Variants in FARS2 observed in about 807,000 individuals in gnomAD.
The protein encoded by FARS2 is phenylalanyl-tRNA synthetase 2, mitochondrial.
In FARS2, 40 loss-of-function variants were observed where a neutral mutation model predicts 46.4. The ratio of observed to expected loss-of-function variants is 0.86; its 90% confidence interval spans 0.67 to 1.12. The LOEUF (loss-of-function observed/expected upper bound fraction) is 1.12, where lower values mean the gene tolerates loss of function less well. FARS2 is among the 50% of genes most tolerant of loss of function. The pLI, the probability that FARS2 is intolerant of heterozygous loss-of-function variation, is 0.00. For synonymous variants in FARS2, 234 were observed against 214.9 expected, an observed-to-expected ratio of 1.09 and a Z score of -0.78; for missense variants, 513 against 567.9, an observed-to-expected ratio of 0.90 and a Z score of 0.98.
chr6:5,331,935 T>A (rs1472138644), intron 1 of FARS2, among the ~76,000 whole-genome samples: 1 of 152,156 alleles, frequency 6.6e-6, no homozygotes, highest in African/African-American at 2.4e-5. Flanking sequence ...GTTTAGTGAA[T>A]TGGCTCCCAT....
chr6:5,454,098 A>G (rs1312257683), intron 4 of FARS2, among the ~76,000 whole-genome samples: 3 of 151,952 alleles, frequency 2.0e-5, no homozygotes, highest in East Asian at 1.9e-4. Flanking sequence ...TTTTAGTACA[A>G]TCTTTAGAAA....
intron 6 of FARS2, among the ~76,000 whole-genome samples, chr6:5,705,879 G>A (rs555886816): frequency 1.5e-4 from 23 of 152,058 alleles, no homozygotes; most frequent in African/African-American, 5.5e-4. Context: ...AGTTGCCTGC[G>A]CTCGCTGCCT....
At chr6:5,515,082 G>A (rs1387487351) in intron 4 of FARS2, among the ~76,000 whole-genome samples, 4 of 152,084 alleles carry the variant, frequency 2.6e-5, no homozygotes, top group African/African-American at 9.7e-5. Context: ...AACTCCATCT[G>A]TGGCTTTTAA....
At position 5,343,816 on chromosome 6, in the gene FARS2, G is replaced by A. The variant is rs1161508137; in HGVS notation, c.-21-24734G>A. On this transcript the variant is annotated intron_variant, in intron 1 of 6. Transcript: ENST00000274680. This position sits in a 1 kb window ranked among gnomAD's most constrained non-coding sequence, Gnocchi z 4.5. ...TCATGCCTCTCTGCCCAAGTCTGTA[G>A]TGTCAGTTTTACCACTTGAGAATTT... is the stretch of plus-strand genomic sequence containing the variant. Among the ~76,000 whole-genome samples the A allele has an allele frequency of 2.0e-5, 3 of 152,130 alleles. No homozygotes were observed. Among genetic ancestry groups the A allele is most frequent in the African/African-American group, 7.2e-5 (3 of 41,412 alleles).
intron 1 of FARS2, among the ~76,000 whole-genome samples, chr6:5,278,089 G>A (rs1766463280): frequency 1.3e-5 from 2 of 152,150 alleles, no homozygotes; most frequent in East Asian, 1.9e-4. Context: ...GACGTTTTCA[G>A]TTATCACAGT....
intron 6 of FARS2, among the ~76,000 whole-genome samples, chr6:5,679,016 GA>G (rs1379520545): frequency 6.6e-6 from 1 of 152,174 alleles, no homozygotes; most frequent in African/African-American, 2.4e-5. Context: ...CCTTGGATCA[GA>G]AGGAATGTCT....
chr6:5,506,756 G>A (rs1336159485), intron 4 of FARS2, among the ~76,000 whole-genome samples: 1 of 152,200 alleles, frequency 6.6e-6, no homozygotes, highest in Non-Finnish European at 1.5e-5. Context: ...CTGCTTCAGT[G>A]GTTGATCACT....
chr6:5,644,360 G>A (rs573954777), intron 6 of FARS2, among the ~76,000 whole-genome samples: 153 of 152,110 alleles, frequency 1.0e-3, no homozygotes, highest in African/African-American at 3.5e-3. Context: ...CTACAGGTGC[G>A]CACCACCACG....
At chr6:5,565,568 A>C (rs561535048) in intron 5 of FARS2, among the ~76,000 whole-genome samples, 1 of 152,238 alleles carries the variant, frequency 6.6e-6, no homozygotes, top group African/African-American at 2.4e-5. Context: ...CATGGTTTAC[A>C]GTAACTTTAC....
chr6:5,399,890 T>TA (rs1416581208), intron 2 of FARS2, among the ~76,000 whole-genome samples: 2 of 152,146 alleles, frequency 1.3e-5, no homozygotes, highest in East Asian at 1.9e-4. Context: ...TGAGACTTTT[T>TA]AAAAAAATAT....
chr6:5,381,198 C>CACCA (rs1581936505), intron 2 of FARS2, among the ~76,000 whole-genome samples: 1 of 151,876 alleles, frequency 6.6e-6, no homozygotes, highest in East Asian at 1.9e-4. Flanking sequence ...GACTAAAAAT[C>CACCA]CTGTTAGCCA....
chr6:5,314,586 G>C (rs527304702), intron 1 of FARS2, among the ~76,000 whole-genome samples: 1 of 152,302 alleles, frequency 6.6e-6, no homozygotes, highest in Admixed American at 6.5e-5. Flanking sequence ...CCAGGCAGAG[G>C]TGATGTCTTG....
At chr6:5,523,428 T>C (rs1215878609) in intron 4 of FARS2, among the ~76,000 whole-genome samples, 1 of 151,888 alleles carries the variant, frequency 6.6e-6, no homozygotes, top group East Asian at 1.9e-4. Flanking sequence ...TTTTTTTTTT[T>C]TTTTCTCATG....
chr6:5,603,604 T>C (rs1774664279), intron 5 of FARS2, among the ~76,000 whole-genome samples: 1 of 152,226 alleles, frequency 6.6e-6, no homozygotes, highest in Non-Finnish European at 1.5e-5. Context: ...GCTGGCACAC[T>C]TTGGCATTCC....
chr6:5,749,168 G>T (rs1032319966), intron 6 of FARS2, among the ~76,000 whole-genome samples: 1 of 152,208 alleles, frequency 6.6e-6, no homozygotes, highest in Non-Finnish European at 1.5e-5. Context: ...CTCCCCCAGG[G>T]AAGGGTCCAG....
intron 6 of FARS2, among the ~76,000 whole-genome samples, chr6:5,750,547 G>A (rs1436631947): frequency 2.0e-5 from 3 of 152,240 alleles, no homozygotes; most frequent in East Asian, 1.9e-4. Context: ...GCTGGTAGGC[G>A]GGAAGAGAAG....
At chr6:5,532,756 T>C (rs2150460774) in intron 4 of FARS2, among the ~76,000 whole-genome samples, 2 of 139,250 alleles carry the variant, frequency 1.4e-5, no homozygotes, top group South Asian at 2.2e-4. Flanking sequence ...GTTTCAAAAG[T>C]AGTAGTAGTA....
intron 1 of FARS2, among the ~76,000 whole-genome samples, chr6:5,275,493 G>A (rs1207591447): frequency 6.6e-6 from 1 of 152,052 alleles, no homozygotes; most frequent in East Asian, 1.9e-4. Context: ...TGAGGGCTGG[G>A]ACCATGTCTA....
intron 4 of FARS2, among the ~76,000 whole-genome samples, chr6:5,453,436 T>C (rs886414320): frequency 6.6e-6 from 1 of 152,194 alleles, no homozygotes; most frequent in Admixed American, 6.5e-5. Flanking sequence ...GCTCATCCTT[T>C]TTCAGAGAAA....
Sources: allele counts gnomAD v4.1 joint callset (sites outside exome capture counted in the v4.1 genomes callset), GRCh38; gene constraint gnomAD v4.1.1; non-coding constraint Gnocchi (gnomAD v3.1); transcripts MANE v1.5; gene names NCBI Gene and HGNC (gene_info 2026-07-23, HGNC 2026-07-21).